Variants in SPTA1 observed in about 807,000 individuals in gnomAD.
SPTA1 encodes spectrin alpha, erythrocytic 1.
Under a neutral mutation model 324.7 loss-of-function variants are expected in SPTA1, and 177 were observed. That is an observed-to-expected ratio of 0.55 (90% CI 0.48 to 0.62). The LOEUF (loss-of-function observed/expected upper bound fraction) is 0.62. SPTA1 is among the 20% of genes least tolerant of loss of function. The pLI is 0.00. For missense variants in SPTA1, 3,162 were observed against 2,883.6 expected, an observed-to-expected ratio of 1.10 and a Z score of -2.21; for synonymous variants, 1,195 against 1,041.3, an observed-to-expected ratio of 1.15 and a Z score of -2.84.
Position 158,685,337 on chromosome 1 carries a change from C to T in SPTA1, c.35G>A (p.Ser12Asn), listed in dbSNP as rs1655097890. The change falls in exon 2 of 52, where the codon AGC (serine) becomes AAC (asparagine). Residue 12 changes from serine to asparagine, a missense_variant. Physicochemically the swap from Ser to Asn is conservative, Grantham distance 46 (BLOSUM62 1). Transcript: ENST00000643759. Reference sequence around the variant, plus strand: ...TGTTTCCAAAACCTTTGGCCCACTGCTCTCCACAACCTGCAAGTTAAAAAG... The same window carrying T: ...TGTTTCCAAAACCTTTGGCCCACTGTTCTCCACAACCTGCAAGTTAAAAAG... ...EQFPKETVVESSGPKVLETAE... is the reference protein window; with the variant it reads ...EQFPKETVVENSGPKVLETAE... 1 of 1,613,290 alleles carries T rather than the reference C, an allele frequency of 6.2e-7. No homozygotes were observed. Among genetic ancestry groups the T allele is most frequent in the Non-Finnish European group, 8.5e-7 (1 of 1,179,784 alleles).
At chr1:158,672,332 T>TTGGCCGGGCGCGGTGGCTCACGCCTG in intron 10 of SPTA1, 136 bp from the exon 11 acceptor site, 6 of 854,994 alleles carry the variant, frequency 7.0e-6, no homozygotes, top group Non-Finnish European at 9.1e-6. Flanking sequence ...ATTCCAACTT[T>TTGGCCGGGCGCGGTGGCTCACGCCTG]TAAGCAAATG....
chr1:158,675,107 G>A (rs926488629), intron 8 of SPTA1, among the ~76,000 whole-genome samples: 2 of 152,120 alleles, frequency 1.3e-5, no homozygotes, highest in African/African-American at 4.8e-5. Flanking sequence ...CTGTTAATAA[G>A]AAACAAGAGC....
chr1:158,682,333 C>T (rs1026641586), intron 3 of SPTA1, among the ~76,000 whole-genome samples: 1 of 152,150 alleles, frequency 6.6e-6, no homozygotes, highest in Non-Finnish European at 1.5e-5. Flanking sequence ...TGTCGTTAAA[C>T]CCCGCAATGG....
intron 44 of SPTA1, 58 bp downstream of exon 44, chr1:158,620,112 T>A (rs538504328): frequency 6.3e-7 from 1 of 1,593,886 alleles, no homozygotes; most frequent in African/African-American, 1.3e-5. Context: ...TTTACTTGGA[T>A]AATAAAGTGG....
intron 12 of SPTA1, among the ~76,000 whole-genome samples, chr1:158,670,145 T>G (rs971316798): frequency 2.0e-4 from 30 of 152,216 alleles, no homozygotes; most frequent in Admixed American, 1.9e-3. Context: ...CGTGTATTCA[T>G]CTCTCAAATA....
chr1:158,681,552 T>A lies in SPTA1; in HGVS notation c.506A>T (p.Asp169Val), dbSNP rs1228257197. The change falls in exon 4 of 52, where the codon GAC becomes GTC. Residue 169 changes from aspartate (D) to valine (V), a missense_variant. Asp to Val is a radical substitution (Grantham distance 152). Transcript: ENST00000643759. ...CTTGTCTCCAATCCACTCTAAGATG[T>A]CAGCACACTCCTGTACATACTGCTG... ...KFQQYVQECA[D>V]ILEWIGDKEA... 6.2e-7 allele frequency: 1 copy of A among 1,613,722 alleles called. No homozygotes were observed. The highest frequency in any genetic ancestry group is 8.5e-7 in the Non-Finnish European group (1 of 1,179,724).
At chr1:158,650,738 T>C (rs1652363099) in intron 24 of SPTA1, among the ~76,000 whole-genome samples, 2 of 152,248 alleles carry the variant, frequency 1.3e-5, no homozygotes, top group Non-Finnish European at 2.9e-5. Flanking sequence ...TTAAGAATTT[T>C]AGATCAGTTC....
At chr1:158,686,428 T>C (rs1193982198) in intron 1 of SPTA1, 66 bp downstream of exon 1, 1 of 1,142,706 alleles carries the variant, frequency 8.8e-7, no homozygotes, top group Non-Finnish European at 1.3e-6. Context: ...GTATAGAAAG[T>C]TTAAAGGAAA....
At chr1:158,665,694 G>T (rs916927344) in intron 16 of SPTA1, among the ~76,000 whole-genome samples, 2 of 152,060 alleles carry the variant, frequency 1.3e-5, no homozygotes, top group African/African-American at 2.4e-5. Context: ...GTTAATTTTC[G>T]CTGTCACATT....
At position 158,639,701 on chromosome 1, in the gene SPTA1, AT is replaced by A; in HGVS notation, c.4876-16del. The A allele has an allele frequency of 6.2e-7, 1 of 1,613,746 alleles. No individual in the cohort carries two copies. Among genetic ancestry groups the A allele is most frequent in the East Asian group, 2.2e-5 (1 of 44,874 alleles). The stretch of plus-strand genomic sequence containing the variant: ...AATGTCTCTGCCTGGAAATAGAGAA[AT>A]AAGCAATAAAGCTGCCAGGTGAAAC... On this transcript the variant is annotated splice_polypyrimidine_tract_variant and intron_variant, in intron 34 of 51. Coordinates refer to ENST00000643759, the MANE Select transcript of SPTA1 (RefSeq NM_003126.4).
At chr1:158,657,412 C>A in intron 19 of SPTA1, 65 bp downstream of exon 19, 5 of 1,516,070 alleles carry the variant, frequency 3.3e-6, no homozygotes, top group South Asian at 1.1e-5. Context: ...CCTAAGCAAA[C>A]CCTAAATTGA....
At chr1:158,657,912 G>A (rs1045784167) in intron 18 of SPTA1, among the ~76,000 whole-genome samples, 1 of 152,192 alleles carries the variant, frequency 6.6e-6, no homozygotes, top group African/African-American at 2.4e-5. Flanking sequence ...TGGTGAATGG[G>A]TTGGTATTGT....
At chr1:158,646,977 T>C (rs965922947) in intron 27 of SPTA1, among the ~76,000 whole-genome samples, 3 of 152,202 alleles carry the variant, frequency 2.0e-5, no homozygotes, top group Non-Finnish European at 4.4e-5. Flanking sequence ...CCCAATATTA[T>C]TTTTAAGTTT....
rs1316190764 is a variant in SPTA1 at position 158,663,094 on chromosome 1, G to A, written c.2221-149C>T. 7.0e-6 allele frequency: 8 copies of A among 1,150,170 alleles called. No individual in the cohort carries two copies. The Admixed American group carries it at 1.6e-4, about 23-fold the overall frequency. The allele number at this position is 1,150,170 out of a possible 1,614,324, so 71.2% of individuals were successfully genotyped here. On this transcript the variant is annotated intron_variant, in intron 16 of 51. Coordinates refer to ENST00000643759, the MANE Select transcript of SPTA1 (RefSeq NM_003126.4). Reference sequence around the variant, plus strand: ...TAATTAAATCAGTGAAATGGAGTTGGAAGGGTTGCTACACTGGGGACCACC... The same window carrying A: ...TAATTAAATCAGTGAAATGGAGTTGAAAGGGTTGCTACACTGGGGACCACC...
chr1:158,623,353 G>A lies in SPTA1; in HGVS notation c.5911-161C>T, dbSNP rs550551530. Among the ~76,000 whole-genome samples, 14 of 152,314 alleles carry A rather than the reference G, an allele frequency of 9.2e-5. No homozygotes were observed. In the South Asian group the frequency reaches 2.9e-3, roughly 32 times the overall value. On this transcript the variant is annotated intron_variant, in intron 42 of 51. Transcript: ENST00000643759. ...TTAGAGATGTAAGCAAACATTTGGG[G>A]CTGAAAGCTCCAGTTTATGTATATT...
At chr1:158,636,106 A>T in intron 37 of SPTA1, 72 bp from the exon 38 acceptor site, 3 of 1,613,224 alleles carry the variant, frequency 1.9e-6, no homozygotes, top group Non-Finnish European at 2.5e-6. Flanking sequence ...CCCTGAGCAA[A>T]GTATCTAGCC....
chr1:158,626,702 G>T, intron 41 of SPTA1, 137 bp downstream of exon 41: 1 of 1,064,848 alleles, frequency 9.4e-7, no homozygotes, highest in Non-Finnish European at 1.4e-6. Flanking sequence ...GTGTAATTCT[G>T]TCCAGAAAGG....
chr1:158,611,417 A>C, intron 51 of SPTA1, 28 bp from the exon 52 acceptor site: 1 of 1,612,530 alleles, frequency 6.2e-7, no homozygotes, highest in African/African-American at 1.3e-5. Context: ...AGAAAAATAC[A>C]GTTATAGGGA....
intron 30 of SPTA1, among the ~76,000 whole-genome samples, chr1:158,643,998 A>G (rs1391123174): frequency 6.6e-6 from 1 of 151,930 alleles, no homozygotes; most frequent in Non-Finnish European, 1.5e-5. Context: ...TTAGCTGGGC[A>G]TGGTGGTGGG....
Sources: allele counts gnomAD v4.1 joint callset (sites outside exome capture counted in the v4.1 genomes callset), GRCh38; gene constraint gnomAD v4.1.1; transcripts MANE v1.5; gene names NCBI Gene and HGNC (gene_info 2026-07-23, HGNC 2026-07-21).